DLEU7: variants seen among roughly 807,000 people sequenced by gnomAD.
DLEU7 encodes deleted in lymphocytic leukemia 7, also known as leukemia-associated protein 7.
Under a neutral mutation model 16.0 loss-of-function variants are expected in DLEU7, and 17 were observed. The observed-to-expected ratio is 1.06, with a 90% CI of 0.73 to 1.59. The LOEUF (loss-of-function observed/expected upper bound fraction) is 1.59, where lower values mean the gene tolerates loss of function less well. Ranked by LOEUF, DLEU7 falls within the 40% of genes most tolerant of loss-of-function variation. The pLI, the probability that DLEU7 is intolerant of heterozygous loss-of-function variation, is 0.00. For missense variants in DLEU7, 308 were observed against 314.9 expected, an observed-to-expected ratio of 0.98 and a Z score of 0.17; for synonymous variants, 113 against 139.8, an observed-to-expected ratio of 0.81 and a Z score of 1.35.
Position 50,843,236 on chromosome 13 carries a change from C to T in DLEU7, c.411G>A (p.Thr137=), listed in dbSNP as rs373725579. Residue 137 remains threonine (T), a synonymous_variant, in exon 1 of 2, where the codon ACG becomes ACA. Coordinates refer to ENST00000504404, the MANE Select transcript of DLEU7 (RefSeq NM_001306135.2). The surrounding 1 kb of genome is among the most constrained non-coding windows in gnomAD (Gnocchi z 5.7). ...GCTCCTGCTGGAGGGGCCCCAGCAGCGTCTGCTCCACGCTGACCAGCTCCG... is the reference window on the plus strand; with the variant it reads ...GCTCCTGCTGGAGGGGCCCCAGCAGTGTCTGCTCCACGCTGACCAGCTCCG... ...STSELVSVEQ[T]LLGPLQQERS... 207 of 1,593,844 alleles carry T rather than the reference C, an allele frequency of 1.3e-4. No homozygotes were observed. The highest frequency in any genetic ancestry group is 1.8e-4 in the Middle Eastern group (1 of 5,632).
In DLEU7 at chr13:50,721,622, G is replaced by C. The variant is rs192788971; in HGVS notation, c.460-8382C>G. Among the ~76,000 whole-genome samples, 9 of 152,176 alleles carry C rather than the reference G, an allele frequency of 5.9e-5. No individual in the cohort carries two copies. The East Asian group carries it at 1.3e-3, about 23-fold the overall frequency. On this transcript the variant is annotated intron_variant, in intron 1 of 1. Transcript: ENST00000400393. Reference sequence around the variant, plus strand: ...TAATACAAAATTATAAACAGAAGAAGAGACAATGGACAAAGGAAATAAAAT... The same window carrying C: ...TAATACAAAATTATAAACAGAAGAACAGACAATGGACAAAGGAAATAAAAT...
chr13:50,779,939 T>A (rs1372015205), intron 1 of DLEU7, among the ~76,000 whole-genome samples: 1 of 152,064 alleles, frequency 6.6e-6, no homozygotes, highest in Admixed American at 6.5e-5. Flanking sequence ...ACCTAACACA[T>A]TTGAAGAATG....
At chr13:50,824,083 T>TA (rs1270357330) in intron 1 of DLEU7, among the ~76,000 whole-genome samples, 1 of 152,168 alleles carries the variant, frequency 6.6e-6, no homozygotes, top group Non-Finnish European at 1.5e-5. Context: ...CTGTGACAAA[T>TA]ACACAAATAG....
intron 1 of DLEU7, among the ~76,000 whole-genome samples, chr13:50,780,944 C>G (rs1387206948): frequency 6.6e-6 from 1 of 152,218 alleles, no homozygotes; most frequent in East Asian, 1.9e-4. Flanking sequence ...AGCCAGCACT[C>G]AAACACTGGC....
chr13:50,843,550 C>A lies in DLEU7; in HGVS notation c.97G>T (p.Gly33Cys). 6.8e-7 allele frequency: 1 copy of A among 1,461,762 alleles called. No homozygotes were observed. The allele number at this position is 1,461,762 out of a possible 1,614,324, so 90.5% of individuals were successfully genotyped here. A position where few individuals can be genotyped will look rare whatever the true frequency, so the allele number is the denominator to read the frequency against. ...CGCGGGTTCCCGGGGGCGACTGGACCGTCCCCCCAGCCCCACTCCTGCTGC... is the reference window on the plus strand; with the variant it reads ...CGCGGGTTCCCGGGGGCGACTGGACAGTCCCCCCAGCCCCACTCCTGCTGC... ...LLQQEWGWGD[G>C]PVAPGNPRDP... Residue 33 changes from glycine to cysteine, a missense_variant, in exon 1 of 2, where the codon GGT (glycine) becomes TGT (cysteine). Transcript: ENST00000504404. The surrounding 1 kb of genome is among the most constrained non-coding windows in gnomAD (Gnocchi z 5.7).
At chr13:50,727,011 C>T (rs1873779017) in intron 1 of DLEU7, among the ~76,000 whole-genome samples, 1 of 152,174 alleles carries the variant, frequency 6.6e-6, no homozygotes, top group South Asian at 2.1e-4. Context: ...AAGCACTGCA[C>T]ATACCATATA....
At chr13:50,793,393 G>T (rs1236516870) in intron 1 of DLEU7, among the ~76,000 whole-genome samples, 4 of 152,174 alleles carry the variant, frequency 2.6e-5, no homozygotes, top group Non-Finnish European at 5.9e-5. Flanking sequence ...TGGGTCAAAT[G>T]ATAGTTCAAC....
At chr13:50,736,473 C>T (rs575503814) in intron 1 of DLEU7, among the ~76,000 whole-genome samples, 1 of 152,070 alleles carries the variant, frequency 6.6e-6, no homozygotes, top group Admixed American at 6.6e-5. Flanking sequence ...ACCTATATAA[C>T]AAATCTGCAC....
At chr13:50,744,575 A>G (rs1874340253) in intron 1 of DLEU7, among the ~76,000 whole-genome samples, 1 of 152,232 alleles carries the variant, frequency 6.6e-6, no homozygotes, top group Non-Finnish European at 1.5e-5. Context: ...AATCTTTTAA[A>G]GGTCCAACAC....
intron 1 of DLEU7, among the ~76,000 whole-genome samples, chr13:50,802,914 A>G (rs1318207594): frequency 4.6e-5 from 7 of 152,190 alleles, no homozygotes; most frequent in Non-Finnish European, 1.0e-4. Flanking sequence ...TAGAGCTTAA[A>G]TAGGCTTCTA....
At chr13:50,835,757 C>T (rs1045967002) in intron 1 of DLEU7, among the ~76,000 whole-genome samples, 1 of 152,242 alleles carries the variant, frequency 6.6e-6, no homozygotes, top group Non-Finnish European at 1.5e-5. Context: ...CTGCATTCTG[C>T]ATTGTGCATT....
intron 1 of DLEU7, among the ~76,000 whole-genome samples, chr13:50,779,888 A>G (rs1048120556): frequency 2.6e-5 from 4 of 152,146 alleles, no homozygotes; most frequent in Non-Finnish European, 5.9e-5. Flanking sequence ...TTATTTTATC[A>G]TGACACACTT....
chr13:50,720,075 G>T (rs920930913), intron 1 of DLEU7, among the ~76,000 whole-genome samples: 6 of 152,252 alleles, frequency 3.9e-5, no homozygotes, highest in South Asian at 2.1e-4. Flanking sequence ...CAATTTTATG[G>T]CTATCTCAGT....
intron 1 of DLEU7, among the ~76,000 whole-genome samples, chr13:50,740,968 C>T (rs889379510): frequency 3.3e-5 from 5 of 152,080 alleles, no homozygotes; most frequent in African/African-American, 1.2e-4. Context: ...CTGGGCCCCT[C>T]TCCTCTCTAC....
At chr13:50,787,783 A>C (rs1366421940) in intron 1 of DLEU7, among the ~76,000 whole-genome samples, 3 of 150,936 alleles carry the variant, frequency 2.0e-5, no homozygotes, top group African/African-American at 7.3e-5. Context: ...CTATCCCCAC[A>C]GACCAGTTCC....
intron 1 of DLEU7, among the ~76,000 whole-genome samples, chr13:50,799,321 A>G (rs1745952950): frequency 6.6e-6 from 1 of 152,196 alleles, no homozygotes; most frequent in Non-Finnish European, 1.5e-5. Context: ...ATGGCCGTGT[A>G]AAACACCCTT....
At chr13:50,811,921 T>A (rs1333200350) in intron 1 of DLEU7, among the ~76,000 whole-genome samples, 2 of 151,488 alleles carry the variant, frequency 1.3e-5, no homozygotes, top group African/African-American at 4.9e-5. Flanking sequence ...ATACAAAAAA[T>A]CAGCTGGGCA....
At chr13:50,712,842 C>T (rs1361381043) in exon 2 of DLEU7, 1 of 215,564 alleles carries the variant, frequency 4.6e-6, no homozygotes, top group East Asian at 1.1e-4. Flanking sequence ...TCAGACAATA[C>T]ATTCTGAAAA....
At chr13:50,833,831 C>T (rs1370293572) in intron 1 of DLEU7, among the ~76,000 whole-genome samples, 2 of 152,010 alleles carry the variant, frequency 1.3e-5, no homozygotes, top group Non-Finnish European at 2.9e-5. Flanking sequence ...GGTACTGGTA[C>T]CAAAACAGAT....
Sources: gnomAD v4.1 joint callset for allele counts (sites outside exome capture counted in the v4.1 genomes callset) on GRCh38, gnomAD v4.1.1 for gene constraint, Gnocchi (gnomAD v3.1) non-coding constraint, MANE v1.5 for transcripts, NCBI Gene and HGNC (gene_info 2026-07-23, HGNC 2026-07-21) for gene names.